SLC25A33: variants seen among roughly 807,000 people sequenced by gnomAD.
SLC25A33 encodes the protein bone marrow stromal cell mitochondrial carrier protein.
In SLC25A33, 15 loss-of-function variants were observed where a neutral mutation model predicts 35.5. The observed-to-expected ratio is 0.42, with a 90% CI of 0.28 to 0.65. The LOEUF is 0.65. Among genes scored for constraint, SLC25A33 ranks in the 30% least tolerant of loss-of-function variants. SLC25A33 has a pLI of 0.20. For synonymous variants in SLC25A33, 136 were observed against 148.7 expected, an observed-to-expected ratio of 0.91 and a Z score of 0.62; for missense variants, 257 against 398.5, an observed-to-expected ratio of 0.64 and a Z score of 3.02.
chr1:9,560,113 A>G (rs867934817), intron 2 of SLC25A33, among the ~76,000 whole-genome samples: 1 of 152,006 alleles, frequency 6.6e-6, no homozygotes, highest in African/African-American at 2.4e-5. Context: ...CCAGCCGGAC[A>G]TGGCAGCACG....
rs375459284 is a variant in SLC25A33, at chr1:9,559,665, T to TA, written c.236+5861dup. Among the ~76,000 whole-genome samples the TA allele has an allele frequency of 2.6e-5, 4 of 152,290 alleles. No individual in the cohort carries two copies. The Middle Eastern group carries it at 0.01, about 388-fold the overall frequency. ...AAGGCAGAGTCTGTAACTCAGGACT[T>TA]ACATAAAAACAATATACCAACTTAG... On this transcript the variant is annotated intron_variant, in intron 2 of 6. Transcript: ENST00000302692.
chr1:9,576,520 G>A, intron 5 of SLC25A33: 1 of 528,396 alleles, frequency 1.9e-6, no homozygotes, highest in South Asian at 1.4e-5. Flanking sequence ...TGGCCCCAGA[G>A]GAACCATGCA....
At chr1:9,580,628 C>T (rs931971824) in intron 6 of SLC25A33, among the ~76,000 whole-genome samples, 6 of 152,128 alleles carry the variant, frequency 3.9e-5, no homozygotes, top group African/African-American at 1.2e-4. Flanking sequence ...GAGGCTGAGG[C>T]GGGCGGATCA....
At chr1:9,547,696 C>T (rs1643201289) in intron 1 of SLC25A33, among the ~76,000 whole-genome samples, 1 of 151,964 alleles carries the variant, frequency 6.6e-6, no homozygotes, top group South Asian at 2.1e-4. Flanking sequence ...TATGAGTAAC[C>T]CCCCTCCCCC....
chr1:9,567,602 CTG>C (rs984560425), intron 3 of SLC25A33, among the ~76,000 whole-genome samples: 5 of 152,196 alleles, frequency 3.3e-5, no homozygotes, highest in African/African-American at 1.2e-4. Context: ...GCTATCATTA[CTG>C]TAATGTACTT....
At chr1:9,569,312 TC>T (rs777004485) in intron 3 of SLC25A33, among the ~76,000 whole-genome samples, 5 of 152,184 alleles carry the variant, frequency 3.3e-5, no homozygotes, top group South Asian at 4.2e-4. Flanking sequence ...CTGCTTTTGT[TC>T]CTTTAGAATT....
At chr1:9,541,501 T>A (rs1412602626) in intron 1 of SLC25A33, among the ~76,000 whole-genome samples, 1 of 152,098 alleles carries the variant, frequency 6.6e-6, no homozygotes, top group African/African-American at 2.4e-5. Flanking sequence ...TTTGCCATGT[T>A]GGCCAGGCTG....
intron 4 of SLC25A33, 76 bp from the exon 5 acceptor site, chr1:9,573,267 TTTA>T: frequency 9.5e-7 from 1 of 1,053,680 alleles, no homozygotes; most frequent in South Asian, 1.6e-5. Flanking sequence ...TATTTCAAAG[TTTA>T]TTATATGATA....
intron 6 of SLC25A33, among the ~76,000 whole-genome samples, chr1:9,580,924 T>G (rs1643737843): frequency 6.6e-6 from 1 of 151,152 alleles, no homozygotes; most frequent in Non-Finnish European, 1.5e-5. Flanking sequence ...AATGGAGCCT[T>G]AAGGCTACTT....
chr1:9,566,802 C>T (rs1490283790), intron 2 of SLC25A33, among the ~76,000 whole-genome samples: 4 of 151,850 alleles, frequency 2.6e-5, no homozygotes, highest in East Asian at 1.9e-4. Flanking sequence ...GCCGAGATCA[C>T]GCCATTGCAC....
At chr1:9,580,917 G>GTT (rs1254288559) in intron 6 of SLC25A33, among the ~76,000 whole-genome samples, 1 of 150,718 alleles carries the variant, frequency 6.6e-6, no homozygotes, top group East Asian at 1.9e-4. Flanking sequence ...TATTTCTAAT[G>GTT]GAGCCTTAAG....
intron 2 of SLC25A33, among the ~76,000 whole-genome samples, chr1:9,566,450 A>T (rs1643507119): frequency 1.3e-5 from 2 of 152,160 alleles, no homozygotes; most frequent in Admixed American, 1.3e-4. Context: ...TTCTCAGTGA[A>T]TCTTATTATG....
At chr1:9,581,662 G>A (rs1643746376) in intron 6 of SLC25A33, among the ~76,000 whole-genome samples, 1 of 151,002 alleles carries the variant, frequency 6.6e-6, no homozygotes, top group Non-Finnish European at 1.5e-5. Flanking sequence ...CCAGAAGGCA[G>A]AGGTTGCAGT....
chr1:9,546,093 G>A (rs556498974), intron 1 of SLC25A33, among the ~76,000 whole-genome samples: 1 of 150,442 alleles, frequency 6.6e-6, no homozygotes, highest in South Asian at 2.1e-4. Flanking sequence ...TAGACATGTA[G>A]TTTAACAATT....
rs1394585038 is a variant in SLC25A33, at chr1:9,570,357, A to C, written c.414A>C (p.Ala138=). The C allele has an allele frequency of 6.2e-7, 1 of 1,613,088 alleles. No homozygotes were observed. The highest frequency in any genetic ancestry group is 1.1e-5 in the South Asian group (1 of 91,026). The change falls in exon 4 of 7, where the codon GCA becomes GCC. Residue 138 remains alanine (A), a splice_region_variant and synonymous_variant. Coordinates refer to ENST00000302692, the MANE Select transcript of SLC25A33 (RefSeq NM_032315.3). ...TGCATATTTTCTCAGCTGGCTCTGC[A>C]GGTATGTTACCCTAGTGAGTGAAGA... ...NIVHIFSAGS[A]AFITNSLMNP... is the part of the protein sequence containing the mutation.
At position 9,582,285 on chromosome 1, in the gene SLC25A33, T is replaced by TTC; in HGVS notation, c.764-6_764-5dup. The stretch of plus-strand genomic sequence containing the variant: ...TTAATATGTGGCGTAAAGTAGGTCT[T>TTC]TCTCTCTCTGCAGAAGTCATAAGGA... On this transcript the variant is annotated splice_polypyrimidine_tract_variant and intron_variant, in intron 6 of 6. Coordinates refer to ENST00000302692, the MANE Select transcript of SLC25A33 (RefSeq NM_032315.3). The surrounding 1 kb of genome is among the most constrained non-coding windows in gnomAD (Gnocchi z 4.0). The TTC allele has an allele frequency of 6.2e-7, 1 of 1,613,760 alleles. No homozygotes were observed. Among genetic ancestry groups the TTC allele is most frequent in the Non-Finnish European group, 8.5e-7 (1 of 1,179,680 alleles).
Position 9,584,992 on chromosome 1 carries a change from CA to C in SLC25A33, c.*2492del, listed in dbSNP as rs1643787928. 1 of 152,244 alleles carries C rather than the reference CA, an allele frequency of 6.6e-6. No individual in the cohort carries two copies. Among genetic ancestry groups the C allele is most frequent in the Non-Finnish European group, 1.5e-5 (1 of 68,046 alleles). 9.4% of individuals were successfully genotyped at this position (152,244 alleles called of 1,614,324 possible). Reference sequence around the variant, plus strand: ...TCAGCCTCCCAAAGCACTGGAATTACAGAGTAACATCTAATTTTAATATTCA... The same window carrying C: ...TCAGCCTCCCAAAGCACTGGAATTACGAGTAACATCTAATTTTAATATTCA... On this transcript the variant is annotated 3_prime_UTR_variant, in exon 7 of 7. Coordinates refer to ENST00000302692, the MANE Select transcript of SLC25A33 (RefSeq NM_032315.3).
At chr1:9,573,873 G>T (rs1643623228) in intron 5 of SLC25A33, among the ~76,000 whole-genome samples, 1 of 152,034 alleles carries the variant, frequency 6.6e-6, no homozygotes, top group Admixed American at 6.6e-5. Context: ...TCCAGCCAGG[G>T]GTTTGTAACA....
chr1:9,574,936 G>A lies in SLC25A33; in HGVS notation c.482+1524G>A, dbSNP rs887784108. On this transcript the variant is annotated intron_variant, in intron 5 of 6. Coordinates refer to ENST00000302692, the MANE Select transcript of SLC25A33 (RefSeq NM_032315.3). ...ATTCTATTAAGAACCCCTGTAGGCC[G>A]GGTGCGGTGGCTCACACCTGTAATC... Among the ~76,000 whole-genome samples, 71 of 152,026 alleles carry A rather than the reference G, an allele frequency of 4.7e-4. 1 individual carries two copies. Among genetic ancestry groups the A allele is most frequent in the African/African-American group, 9.7e-5 (4 of 41,378 alleles).
Sources: gnomAD v4.1 joint callset for allele counts (sites outside exome capture counted in the v4.1 genomes callset) on GRCh38, gnomAD v4.1.1 for gene constraint, Gnocchi (gnomAD v3.1) non-coding constraint, MANE v1.5 for transcripts, NCBI Gene and HGNC (gene_info 2026-07-23, HGNC 2026-07-21) for gene names.